TBC1D23: variants seen among roughly 807,000 people sequenced by gnomAD.
The protein encoded by TBC1D23 is TBC1 domain family member 23.
A neutral mutation model predicts 91.4 loss-of-function variants in TBC1D23; 55 were observed. The ratio of observed to expected loss-of-function variants is 0.60; its 90% confidence interval spans 0.48 to 0.75. TBC1D23 has a LOEUF of 0.75. Among genes scored for constraint, TBC1D23 ranks in the 30% least tolerant of loss-of-function variants. TBC1D23 has a pLI of 0.00. For synonymous variants in TBC1D23, 289 were observed against 281.0 expected, an observed-to-expected ratio of 1.03 and a Z score of -0.28; for missense variants, 725 against 836.1, an observed-to-expected ratio of 0.87 and a Z score of 1.64.
intron 13 of TBC1D23, among the ~76,000 whole-genome samples, chr3:100,309,553 T>C (rs1399392926): frequency 6.6e-6 from 1 of 151,890 alleles, no homozygotes; most frequent in Non-Finnish European, 1.5e-5. Context: ...AAAAAGATAA[T>C]GTCAGACTCC....
chr3:100,271,494 A>C (rs1208455453), intron 1 of TBC1D23, among the ~76,000 whole-genome samples: 1 of 152,146 alleles, frequency 6.6e-6, no homozygotes. Flanking sequence ...GAGTGGGTGG[A>C]GATAAGAGTC....
chr3:100,306,258 G>T (rs1207753808), intron 12 of TBC1D23, among the ~76,000 whole-genome samples, 179 bp from the exon 13 acceptor site: 3 of 152,196 alleles, frequency 2.0e-5, no homozygotes, highest in African/African-American at 7.2e-5. Context: ...GAATAGGAAG[G>T]TTTGCTCTAG....
chr3:100,285,919 GT>G (rs373317659), intron 4 of TBC1D23, among the ~76,000 whole-genome samples: 15 of 150,316 alleles, frequency 1.0e-4, no homozygotes, highest in African/African-American at 2.2e-4. Flanking sequence ...GGTCCCTAGA[GT>G]TTTGTTTTTT....
intron 1 of TBC1D23, among the ~76,000 whole-genome samples, chr3:100,268,105 G>A (rs7618677): frequency 0.32 from 49,006 of 152,000 alleles, 8,929 homozygotes; most frequent in Non-Finnish European, 0.41. Flanking sequence ...GGGATGAATC[G>A]AGGCTGCAGT....
rs149140265 is a variant in TBC1D23 at position 100,299,277 on chromosome 3, A to G, written c.1038A>G (p.Ala346=). The change falls in exon 10 of 19, where the codon GCA becomes GCG. Residue 346 remains alanine (A), a synonymous_variant. Transcript: ENST00000394144. Reference sequence around the variant, plus strand: ...TCTTTGTGGTGGATTGCCGTCCTGCAGAACAATATAATGCTGGGCATTTAT... The same window carrying G: ...TCTTTGTGGTGGATTGCCGTCCTGCGGAACAATATAATGCTGGGCATTTAT... ...VRFFVVDCRP[A]EQYNAGHLST... 9.9e-6 allele frequency: 16 copies of G among 1,613,052 alleles called. No individual in the cohort carries two copies. In the African/African-American group the frequency reaches 1.5e-4, roughly 15 times the overall value.
intron 4 of TBC1D23, among the ~76,000 whole-genome samples, chr3:100,288,936 C>T (rs1252653735): frequency 1.3e-5 from 2 of 152,162 alleles, no homozygotes; most frequent in African/African-American, 4.8e-5. Context: ...ACCTCTGGCC[C>T]GGCATGGTGG....
At chr3:100,315,606 T>C (rs1253122389) in intron 15 of TBC1D23, among the ~76,000 whole-genome samples, 2 of 152,216 alleles carry the variant, frequency 1.3e-5, no homozygotes, top group African/African-American at 4.8e-5. Context: ...ACCAATCATA[T>C]TGGAATTTGA....
At chr3:100,320,209 G>C (rs1705825479) in intron 17 of TBC1D23, among the ~76,000 whole-genome samples, 1 of 151,788 alleles carries the variant, frequency 6.6e-6, no homozygotes, top group South Asian at 2.1e-4. Context: ...TTCTGCACTT[G>C]TCTGATAACT....
chr3:100,273,161 C>G (rs1349605551), intron 1 of TBC1D23, among the ~76,000 whole-genome samples: 2 of 152,306 alleles, frequency 1.3e-5, no homozygotes, highest in African/African-American at 2.4e-5. Context: ...GTCCCTGCAG[C>G]CTTCCGCAGT....
chr3:100,270,441 G>A (rs564090503), intron 1 of TBC1D23, among the ~76,000 whole-genome samples: 30 of 152,116 alleles, frequency 2.0e-4, no homozygotes, highest in Non-Finnish European at 3.7e-4. Context: ...GAATGAGAGA[G>A]TAAGTTTAGG....
At chr3:100,293,142 T>TTTAG (rs1307891236) in intron 5 of TBC1D23, among the ~76,000 whole-genome samples, 8 of 140,216 alleles carry the variant, frequency 5.7e-5, no homozygotes, top group African/African-American at 1.8e-4. Flanking sequence ...TATTTATTTA[T>TTTAG]TTATTTATTT....
At chr3:100,303,249 A>G (rs922340528) in intron 11 of TBC1D23, among the ~76,000 whole-genome samples, 1 of 152,206 alleles carries the variant, frequency 6.6e-6, no homozygotes, top group Non-Finnish European at 1.5e-5. Flanking sequence ...AAGCCACTCA[A>G]TTTGGATTCA....
chr3:100,275,785 A>G (rs1371167694), intron 1 of TBC1D23, among the ~76,000 whole-genome samples: 3 of 152,240 alleles, frequency 2.0e-5, no homozygotes, highest in Non-Finnish European at 2.9e-5. Context: ...TAATGGATGG[A>G]TAAGTAAAAT....
intron 10 of TBC1D23, among the ~76,000 whole-genome samples, chr3:100,301,244 G>C (rs1705422023): frequency 7.1e-6 from 1 of 140,774 alleles, no homozygotes; most frequent in Non-Finnish European, 1.5e-5. Flanking sequence ...GTGCACTCCA[G>C]CCTGGGTGAC....
At chr3:100,268,612 T>C (rs1436787863) in intron 1 of TBC1D23, among the ~76,000 whole-genome samples, 1 of 152,240 alleles carries the variant, frequency 6.6e-6, no homozygotes, top group Non-Finnish European at 1.5e-5. Flanking sequence ...AAATTTGTAA[T>C]TGACATAGGT....
chr3:100,267,116 T>C (rs2067563861), intron 1 of TBC1D23: 1 of 318,218 alleles, frequency 3.1e-6, no homozygotes, highest in African/African-American at 2.2e-5. Context: ...TGTGTGAAAA[T>C]AGCTTCTGAA....
At chr3:100,307,612 TA>T (rs1251637545) in intron 13 of TBC1D23, among the ~76,000 whole-genome samples, 1 of 152,250 alleles carries the variant, frequency 6.6e-6, no homozygotes, top group African/African-American at 2.4e-5. Context: ...AAAATCAGAT[TA>T]TTTTCACATC....
intron 15 of TBC1D23, among the ~76,000 whole-genome samples, chr3:100,314,592 C>G (rs897004021): frequency 1.3e-5 from 2 of 152,020 alleles, no homozygotes; most frequent in African/African-American, 4.8e-5. Context: ...ATAGCAAGAT[C>G]CTGTCTCTGA....
intron 15 of TBC1D23, among the ~76,000 whole-genome samples, chr3:100,315,312 G>A (rs371380296): frequency 4.0e-5 from 6 of 151,874 alleles, no homozygotes; most frequent in South Asian, 2.1e-4. Context: ...ACAGGCATGC[G>A]CCACCATGCC....
Sources: allele counts gnomAD v4.1 joint callset (sites outside exome capture counted in the v4.1 genomes callset), GRCh38; gene constraint gnomAD v4.1.1; transcripts MANE v1.5; gene names NCBI Gene and HGNC (gene_info 2026-07-23, HGNC 2026-07-21).